Variants in TCAF1 observed in about 807,000 individuals in gnomAD.
The protein encoded by TCAF1 is TRPM8 channel-associated factor 1.
A neutral mutation model predicts 27.3 loss-of-function variants in TCAF1; 4 were observed. That is an observed-to-expected ratio of 0.15 (90% CI 0.07 to 0.34). The LOEUF is 0.34. Among genes scored for constraint, TCAF1 ranks in the 10% least tolerant of loss-of-function variants. The pLI is 1.00. For missense variants in TCAF1, 257 were observed against 425.8 expected (o/e 0.60, Z 3.49); for synonymous variants, 105 against 167.1 (o/e 0.63, Z 2.87).
rs982416745 is a variant in TCAF1 at position 143,885,444 on chromosome 7, G to C, written c.-14-8822C>G. 6 of 985,442 alleles carry C rather than the reference G, an allele frequency of 6.1e-6. No individual in the cohort carries two copies. In the East Asian group the frequency reaches 5.7e-4, roughly 93 times the overall value. 61.0% of individuals were successfully genotyped at this position (985,442 alleles called of 1,614,324 possible). The stretch of plus-strand genomic sequence containing the variant: ...GGAGCTTGGCCGCCGCCCCCGGACC[G>C]CAGAGGCCCGGCTTTGTGTCAGTTT... On this transcript the variant is annotated intron_variant, in intron 1 of 8. Transcript: ENST00000479870.
chr7:143,890,151 GTTATT>G (rs140060893), intron 1 of TCAF1, among the ~76,000 whole-genome samples: 20,128 of 151,684 alleles, frequency 0.13, 1,418 homozygotes, highest in East Asian at 0.23. Context: ...ACCACACCCA[GTTATT>G]TTATTTTATT....
At chr7:143,882,845 C>T (rs1387740853) in intron 1 of TCAF1, 5 of 985,504 alleles carry the variant, frequency 5.1e-6, no homozygotes, top group Non-Finnish European at 6.0e-6. Flanking sequence ...GCGACCGAGC[C>T]GGGATTTGGG....
At position 143,882,947 on chromosome 7, in the gene TCAF1, G is replaced by A. The variant is rs917934341; in HGVS notation, c.-14-6325C>T. On this transcript the variant is annotated intron_variant, in intron 1 of 8. Transcript: ENST00000479870. ...CTCCCAGGCTGGAGTGGGAGCTCCA[G>A]GGGGCGGCGCTTGGCGGGGGACAGC... is the stretch of plus-strand genomic sequence containing the variant. The A allele has an allele frequency of 1.1e-5, 10 of 901,038 alleles. No individual in the cohort carries two copies. The African/African-American group carries it at 1.3e-4, about 11-fold the overall frequency. The allele number at this position is 901,038 out of a possible 1,614,324, so 55.8% of individuals were successfully genotyped here.
At chr7:143,892,596 T>C (rs536540702) in intron 1 of TCAF1, among the ~76,000 whole-genome samples, 2 of 151,610 alleles carry the variant, frequency 1.3e-5, no homozygotes, top group South Asian at 4.2e-4. Flanking sequence ...GGTGCGATCT[T>C]GGCTCACTGC....
intron 1 of TCAF1, chr7:143,885,405 C>T (rs1813349412): frequency 1.0e-6 from 1 of 985,324 alleles, no homozygotes; most frequent in South Asian, 4.7e-5. Flanking sequence ...TGATTGGCTG[C>T]CGCGGGTGGA....
chr7:143,876,271 T>A lies in TCAF1; in HGVS notation c.338A>T (p.Lys113Met), dbSNP rs1812700253. The A allele has an allele frequency of 6.2e-7, 1 of 1,614,054 alleles. No individual in the cohort carries two copies. The highest frequency in any genetic ancestry group is 8.5e-7 in the Non-Finnish European group (1 of 1,180,042). ...GGAGTCTTTCACTTCTGGCTCAACC[T>A]TTGCATCCACTCCAGAGCCCTCGAG... Reference protein sequence around the residue: ...KILEGSGVDAKVEPEVKDSLG... With the variant: ...KILEGSGVDAMVEPEVKDSLG... Residue 113 changes from lysine (K) to methionine (M), a missense_variant, in exon 2 of 9, where the codon AAG becomes ATG. Around this residue, in one of 2 missense-constraint regions of TCAF1, gnomAD observed 255 missense variants for 260.1 expected, o/e 0.98. Transcript: ENST00000479870.
intron 1 of TCAF1, chr7:143,885,540 T>A: frequency 7.1e-6 from 7 of 985,392 alleles, no homozygotes; most frequent in Non-Finnish European, 8.4e-6. Flanking sequence ...AGCAGGACGA[T>A]TTGTTTCAAA....
intron 1 of TCAF1, among the ~76,000 whole-genome samples, chr7:143,889,631 A>G (rs558390485): frequency 6.6e-6 from 1 of 152,246 alleles, no homozygotes; most frequent in African/African-American, 2.4e-5. Flanking sequence ...GGCTACCAAG[A>G]GGCAGAAGTG....
chr7:143,886,161 A>G (rs1813394713), intron 1 of TCAF1, among the ~76,000 whole-genome samples: 1 of 152,140 alleles, frequency 6.6e-6, no homozygotes, highest in Non-Finnish European at 1.5e-5. Flanking sequence ...GGAACCACTC[A>G]TCTCTTTTTA....
chr7:143,879,178 A>G (rs556141968), intron 1 of TCAF1, among the ~76,000 whole-genome samples: 1 of 152,262 alleles, frequency 6.6e-6, no homozygotes, highest in East Asian at 1.9e-4. Flanking sequence ...AAATCTTTCT[A>G]TCTACGGAAA....
At chr7:143,889,305 T>C (rs1198911688) in intron 1 of TCAF1, among the ~76,000 whole-genome samples, 1 of 152,136 alleles carries the variant, frequency 6.6e-6, no homozygotes, top group Non-Finnish European at 1.5e-5. Flanking sequence ...AATCCTCAGA[T>C]CCAGGGAGTC....
chr7:143,884,490 G>A (rs1562967967), intron 1 of TCAF1, among the ~76,000 whole-genome samples: 1 of 152,128 alleles, frequency 6.6e-6, no homozygotes, highest in Non-Finnish European at 1.5e-5. Flanking sequence ...AAATGAAGCG[G>A]GCTAGTGACT....
At chr7:143,862,242 G>GATCA (rs1269314915) in intron 4 of TCAF1, among the ~76,000 whole-genome samples, 174 bp downstream of exon 4, 6 of 76,828 alleles carry the variant, frequency 7.8e-5, no homozygotes, top group African/African-American at 3.4e-4. Context: ...CATTTCAATC[G>GATCA]ATCAATCAAT....
chr7:143,877,163 G>T (rs1812763888), intron 1 of TCAF1, among the ~76,000 whole-genome samples: 1 of 152,212 alleles, frequency 6.6e-6, no homozygotes, highest in East Asian at 1.9e-4. Context: ...GCCGGGAACA[G>T]ATTCTGCCTC....
At chr7:143,895,224 G>T (rs531517982) in intron 1 of TCAF1, among the ~76,000 whole-genome samples, 3 of 151,820 alleles carry the variant, frequency 2.0e-5, no homozygotes, top group Admixed American at 2.0e-4. Context: ...GTCTACCAAA[G>T]ATATGTTCAA....
chr7:143,860,021 T>TATGTAATATATATATAATATATA (rs1811916899), intron 6 of TCAF1, among the ~76,000 whole-genome samples, 187 bp downstream of exon 6: 1 of 32,720 alleles, frequency 3.1e-5, no homozygotes, highest in Non-Finnish European at 5.8e-5. Context: ...TAATATATAT[T>TATGTAATATATATATAATATATA]ATATATTATA....
intron 2 of TCAF1, among the ~76,000 whole-genome samples, chr7:143,871,978 AT>A (rs1812476103): frequency 1.3e-5 from 1 of 77,280 alleles, no homozygotes; most frequent in African/African-American, 4.7e-5. Flanking sequence ...TGCACCTTTA[AT>A]TTGTGACACT....
In TCAF1 at chr7:143,883,500, C is replaced by CTTTTTTTTTTT. The variant is rs374825743; in HGVS notation, c.-14-6889_-14-6879dup. On this transcript the variant is annotated intron_variant, in intron 1 of 8. Transcript: ENST00000479870. ...AATCGCATTTCTTTCTTTCCTTTTT[C>CTTTTTTTTTTT]TTTTTTTTTTTTTTTTTTTTTTTGA... 1.8e-3 allele frequency among the ~76,000 whole-genome samples: 180 copies of CTTTTTTTTTTT among 98,078 alleles called. 1 individual carries two copies. In the East Asian group the frequency reaches 0.02, roughly 11 times the overall value. The allele number at this position is 98,078 out of a possible 152,430, so 64.3% of individuals were successfully genotyped here. A position where few individuals can be genotyped will look rare whatever the true frequency, so the allele number is the denominator to read the frequency against.
intron 2 of TCAF1, among the ~76,000 whole-genome samples, chr7:143,875,087 C>A (rs894184314): frequency 2.0e-5 from 3 of 152,208 alleles, no homozygotes; most frequent in Admixed American, 2.0e-4. Flanking sequence ...AGTCATAGCT[C>A]ATTCCCCATA....
Sources: allele counts gnomAD v4.1 joint callset (sites outside exome capture counted in the v4.1 genomes callset), GRCh38; gene constraint gnomAD v4.1.1; regional missense constraint gnomAD v4.1.1; transcripts MANE v1.5; gene names NCBI Gene and HGNC (gene_info 2026-07-23, HGNC 2026-07-21).